The following ASS1 variants were observed in gnomAD, a reference collection of about 807,000 sequenced individuals.
The protein encoded by ASS1 is argininosuccinate synthase 1.
A neutral mutation model predicts 60.5 loss-of-function variants in ASS1; 58 were observed. The ratio of observed to expected loss-of-function variants is 0.96; its 90% confidence interval spans 0.78 to 1.19. The LOEUF is 1.19. ASS1 is among the 50% of genes most tolerant of loss of function. The pLI, the probability that ASS1 is intolerant of heterozygous loss-of-function variation, is 0.00. For synonymous variants in ASS1, 200 were observed against 206.9 expected (o/e 0.97, Z 0.29); for missense variants, 454 against 547.3 (o/e 0.83, Z 1.70).
chr9:130,486,462 T>G (rs1299776150), intron 11 of ASS1, among the ~76,000 whole-genome samples: 2 of 152,230 alleles, frequency 1.3e-5, no homozygotes, highest in Non-Finnish European at 2.9e-5. Context: ...CCTCTGTTTC[T>G]GCTGCCATCA....
At chr9:130,496,593 TAAAA>T (rs56807719) in intron 13 of ASS1, among the ~76,000 whole-genome samples, 3 of 105,954 alleles carry the variant, frequency 2.8e-5, no homozygotes, top group Admixed American at 1.0e-4. Context: ...ACTGTCTCTT[TAAAA>T]AAAAAAAAAA....
At chr9:130,454,871 C>G (rs1845405929) in intron 3 of ASS1, among the ~76,000 whole-genome samples, 1 of 151,070 alleles carries the variant, frequency 6.6e-6, no homozygotes, top group Non-Finnish European at 1.5e-5. Flanking sequence ...CATCCATCAT[C>G]CATCCACCCA....
intron 8 of ASS1, among the ~76,000 whole-genome samples, chr9:130,475,958 C>T (rs1280750724): frequency 6.6e-6 from 1 of 152,088 alleles, no homozygotes; most frequent in African/African-American, 2.4e-5. Context: ...GGGGTTTCAC[C>T]GCGTTGCCCA....
intron 6 of ASS1, among the ~76,000 whole-genome samples, chr9:130,468,593 A>T: frequency 6.6e-6 from 1 of 151,874 alleles, no homozygotes; most frequent in South Asian, 2.1e-4. Flanking sequence ...TGTTTTTCAT[A>T]TATTTATTTA....
chr9:130,482,462 G>A (rs1846197088), intron 11 of ASS1, among the ~76,000 whole-genome samples: 1 of 151,760 alleles, frequency 6.6e-6, no homozygotes, highest in African/African-American at 2.4e-5. Flanking sequence ...GGTATCTCAG[G>A]GCTGCTTGCA....
intron 8 of ASS1, among the ~76,000 whole-genome samples, chr9:130,472,299 G>T (rs368790357): frequency 2.0e-5 from 3 of 152,252 alleles, no homozygotes; most frequent in East Asian, 3.9e-4. Flanking sequence ...TGCCCGGGGA[G>T]GTTTGGTGAA....
At chr9:130,496,593 T>TA (rs56807719) in intron 13 of ASS1, among the ~76,000 whole-genome samples, 3,773 of 105,810 alleles carry the variant, frequency 0.036, 81 homozygotes, top group African/African-American at 0.069. Flanking sequence ...ACTGTCTCTT[T>TA]AAAAAAAAAA....
Position 130,459,264 on chromosome 9 carries a change from G to A in ASS1, c.363+675G>A, listed in dbSNP as rs759378299. 6.6e-6 allele frequency among the ~76,000 whole-genome samples: 1 copy of A among 152,134 alleles called. No homozygotes were observed. Among genetic ancestry groups the A allele is most frequent in the Non-Finnish European group, 1.5e-5 (1 of 68,040 alleles). ...AGTGGCCTCTGGTGTCCCTTAGCGTGTGGCTGCGTCACTCCTGTCCTTCCG... is the reference window on the plus strand; with the variant it reads ...AGTGGCCTCTGGTGTCCCTTAGCGTATGGCTGCGTCACTCCTGTCCTTCCG... On this transcript the variant is annotated intron_variant, in intron 4 of 14. Transcript: ENST00000352480. The surrounding 1 kb of genome is among the most constrained non-coding windows in gnomAD (Gnocchi z 4.6).
intron 4 of ASS1, among the ~76,000 whole-genome samples, chr9:130,461,496 G>A (rs1274552144): frequency 6.6e-6 from 1 of 152,174 alleles, no homozygotes; most frequent in Admixed American, 6.5e-5. Context: ...ATGGCCGCTC[G>A]GGACTTGGGG....
intron 6 of ASS1, among the ~76,000 whole-genome samples, chr9:130,468,478 C>A (rs1427844011): frequency 1.3e-5 from 2 of 152,182 alleles, no homozygotes. Flanking sequence ...GTGGCACAAT[C>A]CTAGCTCATT....
In ASS1 at chr9:130,464,232, G is replaced by A. The variant is rs993412131; in HGVS notation, c.420+65G>A. ...TCTGCAGCACCTGATGGGGAGGAGG[G>A]CACAGGGTTCTGGGAGATTCCACAG... is the stretch of plus-strand genomic sequence containing the variant. On this transcript the variant is annotated intron_variant, in intron 5 of 14. Coordinates refer to ENST00000352480, the MANE Select transcript of ASS1 (RefSeq NM_054012.4). 52 of 1,564,954 alleles carry A rather than the reference G, an allele frequency of 3.3e-5. No homozygotes were observed. The South Asian group carries it at 5.5e-4, about 16-fold the overall frequency.
chr9:130,495,027 G>A lies in ASS1; in HGVS notation c.1127+4G>A. On this transcript the variant is annotated splice_donor_region_variant and intron_variant, in intron 13 of 14. Transcript: ENST00000352480. ...TCTACAATGAGGAGCTGGTGAGGTA[G>A]GTGCCCCACACCTCATTCTGACCCC... 5.0e-6 allele frequency: 8 copies of A among 1,608,774 alleles called. No homozygotes were observed. The highest frequency in any genetic ancestry group is 5.9e-6 in the Non-Finnish European group (7 of 1,178,140).
chr9:130,465,047 TATATA>T (rs151318997), intron 5 of ASS1, among the ~76,000 whole-genome samples: 74 of 104,164 alleles, frequency 7.1e-4, no homozygotes, highest in South Asian at 1.9e-3. Flanking sequence ...TATATATATA[TATATA>T]TATATTTTTT....
At chr9:130,454,189 G>A (rs1362322802) in intron 2 of ASS1, 116 bp from the exon 3 acceptor site, 8 of 1,028,764 alleles carry the variant, frequency 7.8e-6, no homozygotes, top group Non-Finnish European at 1.0e-5. Context: ...ACTGTGACTT[G>A]GCCATGGAAT....
chr9:130,454,332 G>A lies in ASS1; in HGVS notation c.133G>A (p.Glu45Lys), dbSNP rs766880501. 20 of 1,613,006 alleles carry A rather than the reference G, an allele frequency of 1.2e-5. No individual in the cohort carries two copies. The East Asian group carries it at 1.6e-4, about 13-fold the overall frequency. ...CAACATTGGCCAGAAGGAAGACTTC[G>A]AGGAAGCCAGGAAGAAGGCACTGAA... ...LANIGQKEDF[E>K]EARKKALKLG... Residue 45 changes from glutamate to lysine, a missense_variant, in exon 3 of 15, where the codon GAG (glutamate) becomes AAG (lysine). Transcript: ENST00000352480.
At chr9:130,469,385 GC>G (rs1845819108) in intron 6 of ASS1, among the ~76,000 whole-genome samples, 1 of 152,100 alleles carries the variant, frequency 6.6e-6, no homozygotes, top group African/African-American at 2.4e-5. Flanking sequence ...GCTCTTAGGG[GC>G]CCTTAGTGAT....
intron 11 of ASS1, among the ~76,000 whole-genome samples, chr9:130,486,576 C>T (rs1239124546): frequency 2.0e-5 from 3 of 152,198 alleles, no homozygotes; most frequent in African/African-American, 7.2e-5. Context: ...GCCTGAGGAA[C>T]TCCCGAGGGA....
intron 10 of ASS1, 194 bp downstream of exon 10, chr9:130,479,994 T>G: frequency 1.3e-6 from 1 of 750,792 alleles, no homozygotes. Flanking sequence ...GTCCTTAGCC[T>G]TGGAAGATAA....
rs1846742295 is a variant in ASS1, at chr9:130,500,998, C to T, written c.1216C>T (p.Gln406Ter). 1 of 1,613,642 alleles carries T rather than the reference C, an allele frequency of 6.2e-7. No homozygotes were observed. The highest frequency in any genetic ancestry group is 8.5e-7 in the Non-Finnish European group (1 of 1,179,944). Residue 406 changes from glutamine (Q) to a stop codon, truncating the protein, a stop_gained, in exon 15 of 15, where the codon CAG becomes TAG. Coordinates refer to ENST00000352480, the MANE Select transcript of ASS1 (RefSeq NM_054012.4). LOFTEE classifies it high-confidence loss of function. Reference sequence around the variant, plus strand: ...CAGGCTGAAGGAATATCATCGTCTCCAGAGCAAGGTCACTGCCAAATAGAC... The same window carrying T: ...CAGGCTGAAGGAATATCATCGTCTCTAGAGCAAGGTCACTGCCAAATAGAC... ...SLRLKEYHRL[Q>*]SKVTAK is the part of the protein sequence containing the mutation.
Sources: allele counts gnomAD v4.1 joint callset (sites outside exome capture counted in the v4.1 genomes callset), GRCh38; gene constraint gnomAD v4.1.1; non-coding constraint Gnocchi (gnomAD v3.1); transcripts MANE v1.5; gene names NCBI Gene and HGNC (gene_info 2026-07-23, HGNC 2026-07-21).